HECTD4: variants seen among roughly 807,000 people sequenced by gnomAD.
HECTD4 encodes probable E3 ubiquitin-protein ligase HECTD4.
HECTD4 carries 114 observed loss-of-function variants against 471.5 expected under a neutral mutation model. The observed-to-expected ratio is 0.24, with a 90% confidence interval of 0.21 to 0.28. HECTD4 has a LOEUF of 0.28. Among genes scored for constraint, HECTD4 ranks in the 10% least tolerant of loss-of-function variants. The pLI is 1.00. For missense variants in HECTD4, 3,866 were observed against 5,651.5 expected, an observed-to-expected ratio of 0.68 and a Z score of 10.13; for synonymous variants, 2,012 against 2,256.0, an observed-to-expected ratio of 0.89 and a Z score of 3.07.
At chr12:112,240,959 G>A (rs373217863) in intron 32 of HECTD4, among the ~76,000 whole-genome samples, 6 of 152,148 alleles carry the variant, frequency 3.9e-5, no homozygotes, top group Non-Finnish European at 7.3e-5. Context: ...ACAAAGACAT[G>A]CAACATAGTA....
At chr12:112,324,024 TCC>T (rs1219180040) in intron 1 of HECTD4, among the ~76,000 whole-genome samples, 12 of 52,960 alleles carry the variant, frequency 2.3e-4, no homozygotes, top group Non-Finnish European at 2.7e-4. Context: ...CTTCCTTCCT[TCC>T]TTCCTTCCTT....
chr12:112,237,757 CTT>C (rs200452557), intron 34 of HECTD4, among the ~76,000 whole-genome samples: 5 of 142,200 alleles, frequency 3.5e-5, no homozygotes, highest in Non-Finnish European at 4.6e-5. Flanking sequence ...CCTGTCAGAC[CTT>C]TTTTTTTTTT....
At chr12:112,285,646 C>T (rs2034736157) in intron 7 of HECTD4, among the ~76,000 whole-genome samples, 1 of 152,098 alleles carries the variant, frequency 6.6e-6, no homozygotes, top group African/African-American at 2.4e-5. Context: ...AATGAATACT[C>T]GATTGCTTGC....
rs1170542769 is a variant in HECTD4, at chr12:112,177,375, C to CTT, written c.11364-674_11364-673insAA. On this transcript the variant is annotated intron_variant, in intron 64 of 75. Coordinates refer to ENST00000682272, the MANE Select transcript of HECTD4 (RefSeq NM_001388303.1). ...TATCCATACATGGAATGTTATGAGG[C>CTT]TATTTTTTTTTTTTTTTTTTTTGAG... Among the ~76,000 whole-genome samples the CTT allele has an allele frequency of 9.9e-3, 1,414 of 143,168 alleles. 43 individuals carry two copies. The highest frequency in any genetic ancestry group is 0.034 in the African/African-American group (1,273 of 37,084). 93.9% of individuals were successfully genotyped at this position (143,168 alleles called of 152,430 possible).
chr12:112,333,505 T>C (rs868130187), intron 1 of HECTD4, among the ~76,000 whole-genome samples: 2 of 152,238 alleles, frequency 1.3e-5, no homozygotes, highest in South Asian at 4.1e-4. Context: ...ATATCTTCTT[T>C]AGAAAAAAAA....
chr12:112,277,526 G>A (rs1232458559), intron 9 of HECTD4, among the ~76,000 whole-genome samples: 1 of 152,176 alleles, frequency 6.6e-6, no homozygotes, highest in Non-Finnish European at 1.5e-5. Context: ...CAGTGACCAC[G>A]TAGTGATCCC....
At chr12:112,236,407 TAC>T (rs1214853506) in intron 35 of HECTD4, among the ~76,000 whole-genome samples, 2 of 152,270 alleles carry the variant, frequency 1.3e-5, no homozygotes, top group Non-Finnish European at 2.9e-5. Flanking sequence ...AAAGCTATCA[TAC>T]AGTGTTTCAT....
intron 43 of HECTD4, 32 bp from the exon 44 acceptor site, chr12:112,226,790 GT>G: frequency 6.7e-7 from 1 of 1,482,900 alleles, no homozygotes; most frequent in Non-Finnish European, 9.3e-7. Flanking sequence ...ATATTTCAAA[GT>G]CATCAGTGTT....
chr12:112,174,937 G>C (rs2137012949), intron 66 of HECTD4, among the ~76,000 whole-genome samples: 1 of 152,304 alleles, frequency 6.6e-6, no homozygotes, highest in South Asian at 2.1e-4. Flanking sequence ...ACACGTGCGT[G>C]AGCCAGAGGG....
chr12:112,194,809 C>A lies in HECTD4; in HGVS notation c.8749+76G>T, dbSNP rs1829489413. On this transcript the variant is annotated intron_variant, in intron 56 of 75. Transcript: ENST00000682272. The surrounding 1 kb of genome is among the most constrained non-coding windows in gnomAD (Gnocchi z 4.6). ...CCATGAGGCATTTCTCGCCCTCATG[C>A]AGGGAATGACTACACTGTGCACAGC... The A allele has an allele frequency of 9.7e-6, 13 of 1,340,872 alleles. 1 individual carries two copies. In the South Asian group the frequency reaches 1.7e-4, roughly 18 times the overall value. 83.1% of individuals were successfully genotyped at this position (1,340,872 alleles called of 1,614,324 possible). A position where few individuals can be genotyped will look rare whatever the true frequency, so the allele number is the denominator to read the frequency against.
intron 27 of HECTD4, among the ~76,000 whole-genome samples, 183 bp from the exon 28 acceptor site, chr12:112,247,733 G>A (rs1236288608): frequency 6.6e-6 from 1 of 151,998 alleles, no homozygotes; most frequent in Non-Finnish European, 1.5e-5. Flanking sequence ...ACTACTTTCT[G>A]GGAATTCTTT....
chr12:112,183,338 TC>T, intron 61 of HECTD4, 72 bp from the exon 62 acceptor site: 3 of 1,152,570 alleles, frequency 2.6e-6, no homozygotes, highest in Middle Eastern at 2.1e-4. Context: ...AACTTCTCCC[TC>T]CCACCTTTTC....
intron 11 of HECTD4, among the ~76,000 whole-genome samples, chr12:112,271,692 C>T (rs1399929260): frequency 6.6e-6 from 1 of 152,182 alleles, no homozygotes; most frequent in African/African-American, 2.4e-5. Context: ...TTTCTTCTCC[C>T]AGCAGCTCAG....
chr12:112,172,473 T>C (rs1008831836), intron 67 of HECTD4, among the ~76,000 whole-genome samples, 198 bp downstream of exon 67: 2 of 152,238 alleles, frequency 1.3e-5, no homozygotes, highest in Non-Finnish European at 1.5e-5. Context: ...CCAGACTAAT[T>C]AGGCCACAGT....
At chr12:112,201,645 G>A (rs763752691) in intron 54 of HECTD4, among the ~76,000 whole-genome samples, 11 of 152,056 alleles carry the variant, frequency 7.2e-5, no homozygotes, top group Non-Finnish European at 1.6e-4. Context: ...GCTTAGTACT[G>A]AGTGTTTTAG....
chr12:112,216,410 A>G, intron 47 of HECTD4, 39 bp from the exon 48 acceptor site: 1 of 1,409,546 alleles, frequency 7.1e-7, no homozygotes, highest in South Asian at 1.2e-5. Flanking sequence ...AAGACAAGAA[A>G]GATAAGCCTC....
At chr12:112,301,437 C>G (rs2035163076) in intron 7 of HECTD4, among the ~76,000 whole-genome samples, 2 of 152,318 alleles carry the variant, frequency 1.3e-5, no homozygotes, top group South Asian at 4.1e-4. Context: ...CCACCTCAGC[C>G]TCCCAAAGTG....
chr12:112,314,082 A>G (rs2035429377), intron 3 of HECTD4, among the ~76,000 whole-genome samples: 1 of 152,130 alleles, frequency 6.6e-6, no homozygotes, highest in African/African-American at 2.4e-5. Context: ...CCTGTCACCT[A>G]GGCTGGAGTG....
chr12:112,291,639 G>A (rs934002092), intron 7 of HECTD4, among the ~76,000 whole-genome samples: 1 of 152,096 alleles, frequency 6.6e-6, no homozygotes, highest in African/African-American at 2.4e-5. Context: ...TTGGGAGGCC[G>A]AGGCGGGCGG....
Sources: gnomAD v4.1 joint callset for allele counts (sites outside exome capture counted in the v4.1 genomes callset) on GRCh38, gnomAD v4.1.1 for gene constraint, Gnocchi (gnomAD v3.1) non-coding constraint, MANE v1.5 for transcripts, NCBI Gene and HGNC (gene_info 2026-07-23, HGNC 2026-07-21) for gene names.